The following ACTR3C variants were observed in gnomAD, a reference collection of about 807,000 sequenced individuals.
The protein encoded by ACTR3C is actin-related protein 3C.
A neutral mutation model predicts 26.3 loss-of-function variants in ACTR3C; 18 were observed. That is an observed-to-expected ratio of 0.68 (90% CI 0.47 to 1.01). The LOEUF is 1.01. Ranked by LOEUF, ACTR3C falls within the 50% of genes least tolerant of loss-of-function variation. ACTR3C has a pLI of 0.00. For missense variants in ACTR3C, 184 were observed against 250.7 expected (o/e 0.73, Z 1.80); for synonymous variants, 55 against 94.5 (o/e 0.58, Z 2.42).
At chr7:149,903,744 A>G in the ACTR3C span, among the ~76,000 whole-genome samples, 7 of 150,236 alleles carry the variant, frequency 4.7e-5, no homozygotes, top group Admixed American at 2.7e-4. Flanking sequence ...GGGTCTCACT[A>G]TGTTGCCAAG....
At chr7:150,169,558 GA>G in the ACTR3C span, among the ~76,000 whole-genome samples, 1 of 150,202 alleles carries the variant, frequency 6.7e-6, no homozygotes, top group Non-Finnish European at 1.5e-5. Flanking sequence ...AGAACTGTGG[GA>G]AAAAAATGAA....
At chr7:150,261,625 C>T (rs531882931) in intron 6 of ACTR3C, among the ~76,000 whole-genome samples, 577 of 152,306 alleles carry the variant, frequency 3.8e-3, no homozygotes, top group African/African-American at 0.013. Flanking sequence ...TTGCTTGAAC[C>T]GGGGAGGCAG....
At chr7:150,039,282 C>G in the ACTR3C span, among the ~76,000 whole-genome samples, 62 of 151,766 alleles carry the variant, frequency 4.1e-4, 1 homozygote, top group African/African-American at 1.4e-3. Flanking sequence ...GGGTGCCTCC[C>G]CCCTCCTGCG....
At chr7:150,005,789 T>C in the ACTR3C span, among the ~76,000 whole-genome samples, 112 of 149,930 alleles carry the variant, frequency 7.5e-4, no homozygotes, top group African/African-American at 2.4e-3. Context: ...TGACGGGACA[T>C]AACTAACACA....
At chr7:149,963,150 G>A in the ACTR3C span, among the ~76,000 whole-genome samples, 1 of 152,088 alleles carries the variant, frequency 6.6e-6, no homozygotes, top group Non-Finnish European at 1.5e-5. Flanking sequence ...CTGGGATGAC[G>A]CCAAGTCTTT....
At chr7:150,291,831 G>A (rs1303807487) in intron 3 of ACTR3C, among the ~76,000 whole-genome samples, 2 of 151,814 alleles carry the variant, frequency 1.3e-5, no homozygotes, top group South Asian at 2.1e-4. Context: ...AAGATCCACC[G>A]AAAGGAGTGC....
chr7:150,311,941 A>G (rs1796363797), intron 1 of ACTR3C, among the ~76,000 whole-genome samples: 1 of 152,204 alleles, frequency 6.6e-6, no homozygotes, highest in Non-Finnish European at 1.5e-5. Flanking sequence ...ATTTGGACTG[A>G]AAGAGGTTTT....
the ACTR3C span, among the ~76,000 whole-genome samples, chr7:150,048,332 G>C: frequency 6.6e-6 from 1 of 151,480 alleles, no homozygotes; most frequent in East Asian, 2.0e-4. Context: ...CGGCCCCTCC[G>C]CCCCCTTCCC....
At chr7:150,118,139 C>T in the ACTR3C span, among the ~76,000 whole-genome samples, 9 of 152,042 alleles carry the variant, frequency 5.9e-5, no homozygotes, top group South Asian at 2.1e-4. Context: ...AAAACCAGCG[C>T]GAAAAGGCTG....
At chr7:150,040,021 G>A in the ACTR3C span, among the ~76,000 whole-genome samples, 1 of 141,024 alleles carries the variant, frequency 7.1e-6, no homozygotes, top group Non-Finnish European at 1.6e-5. Flanking sequence ...GCCAGGCGGG[G>A]AAGAGGGGTT....
At chr7:150,259,315 GAGGAAAGAA>G (rs1253818408) in intron 6 of ACTR3C, among the ~76,000 whole-genome samples, 3 of 147,478 alleles carry the variant, frequency 2.0e-5, no homozygotes, top group East Asian at 3.9e-4. Context: ...AAGAAAAAGA[GAGGAAAGAA>G]AGGAAAGAAA....
At chr7:150,286,610 C>T in intron 4 of ACTR3C, 70 bp from the exon 5 acceptor site, 1 of 1,578,572 alleles carries the variant, frequency 6.3e-7, no homozygotes, top group African/African-American at 1.4e-5. Flanking sequence ...AGACAAATAA[C>T]CAGGAAGCCC....
At chr7:150,063,889 C>T in the ACTR3C span, among the ~76,000 whole-genome samples, 1 of 152,150 alleles carries the variant, frequency 6.6e-6, no homozygotes, top group African/African-American at 2.4e-5. Flanking sequence ...TGTCCCCCCT[C>T]CCTCTTCCTA....
chr7:150,301,093 G>A (rs2129614262), intron 1 of ACTR3C, among the ~76,000 whole-genome samples: 1 of 152,298 alleles, frequency 6.6e-6, no homozygotes, highest in Non-Finnish European at 1.5e-5. Context: ...TGGGCACATA[G>A]AAGTACTCAA....
the ACTR3C span, among the ~76,000 whole-genome samples, chr7:150,149,784 T>A: frequency 0.074 from 8,246 of 112,182 alleles, no homozygotes; most frequent in South Asian, 0.14. Context: ...GATGTTTGTG[T>A]CATGTGTGTG....
At chr7:150,019,517 G>C in the ACTR3C span, among the ~76,000 whole-genome samples, 1 of 150,414 alleles carries the variant, frequency 6.6e-6, no homozygotes, top group Non-Finnish European at 1.5e-5. Flanking sequence ...GCTTGAACCC[G>C]GGAGGCAGAG....
the ACTR3C span, among the ~76,000 whole-genome samples, chr7:150,174,099 A>G: frequency 1.4e-5 from 2 of 139,092 alleles, 1 homozygote; most frequent in Non-Finnish European, 3.0e-5. Context: ...TTCCAATGTC[A>G]CTTCCACATT....
At chr7:150,081,162 A>C in the ACTR3C span, among the ~76,000 whole-genome samples, 1 of 151,786 alleles carries the variant, frequency 6.6e-6, no homozygotes, top group Non-Finnish European at 1.5e-5. Context: ...TAAGAAAAGA[A>C]AGAAAGGGAG....
the ACTR3C span, among the ~76,000 whole-genome samples, chr7:150,131,023 T>C: frequency 1.1e-4 from 17 of 152,318 alleles, no homozygotes; most frequent in East Asian, 3.1e-3. Context: ...AAGCTGTTTT[T>C]AAGGATGAAA....
Sources: allele counts gnomAD v4.1 joint callset (sites outside exome capture counted in the v4.1 genomes callset), GRCh38; gene constraint gnomAD v4.1.1; transcripts MANE v1.5; gene names NCBI Gene and HGNC (gene_info 2026-07-23, HGNC 2026-07-21).